The following SPAG16 variants were observed in gnomAD, a reference collection of about 807,000 sequenced individuals.
SPAG16 encodes the protein sperm-associated antigen 16 protein.
A neutral mutation model predicts 80.4 loss-of-function variants in SPAG16; 86 were observed. That is an observed-to-expected ratio of 1.07 (90% confidence interval 0.90 to 1.28). SPAG16 has a LOEUF of 1.28. Among genes scored for constraint, SPAG16 ranks in the 50% most tolerant of loss-of-function variants. The pLI is 0.00. For synonymous variants in SPAG16, 294 were observed against 265.9 expected, an observed-to-expected ratio of 1.11 and a Z score of -1.03; for missense variants, 870 against 765.3, an observed-to-expected ratio of 1.14 and a Z score of -1.61.
chr2:213,423,725 T>C lies in SPAG16; in HGVS notation c.942+48606T>C, dbSNP rs141249741. Among the ~76,000 whole-genome samples the C allele has an allele frequency of 7.4e-4, 113 of 151,974 alleles. 1 individual carries two copies. The highest frequency in any genetic ancestry group is 2.4e-3 in the African/African-American group (99 of 41,236). ...AATGCTGAAATAAGATATGTTATTC[T>C]CATTTTTTAGGTAAAAATACTAAAG... On this transcript the variant is annotated intron_variant, in intron 9 of 15. Coordinates refer to ENST00000331683, the MANE Select transcript of SPAG16 (RefSeq NM_024532.5).
chr2:213,842,219 G>C (rs964810972), intron 10 of SPAG16, among the ~76,000 whole-genome samples: 1 of 152,094 alleles, frequency 6.6e-6, no homozygotes, highest in Non-Finnish European at 1.5e-5. Flanking sequence ...TACTGGATTA[G>C]TAATACAGGC....
chr2:214,017,171 G>A (rs941547653), intron 13 of SPAG16, among the ~76,000 whole-genome samples: 2 of 152,154 alleles, frequency 1.3e-5, no homozygotes, highest in African/African-American at 4.8e-5. Flanking sequence ...TGGAAAGAGT[G>A]CATCAGGCGT....
At chr2:213,395,967 A>G (rs1416157773) in intron 9 of SPAG16, among the ~76,000 whole-genome samples, 1 of 152,242 alleles carries the variant, frequency 6.6e-6, no homozygotes, top group African/African-American at 2.4e-5. Flanking sequence ...GGTCTGAAGT[A>G]TCAGCTCTAA....
intron 10 of SPAG16, among the ~76,000 whole-genome samples, chr2:213,830,564 G>T (rs2073575586): frequency 6.6e-6 from 1 of 152,050 alleles, no homozygotes; most frequent in Admixed American, 6.6e-5. Flanking sequence ...TTTCTATTTG[G>T]CCATCTTGCT....
chr2:213,288,651 T>G (rs2062149254), intron 1 of SPAG16, among the ~76,000 whole-genome samples: 1 of 152,096 alleles, frequency 6.6e-6, no homozygotes, highest in Non-Finnish European at 1.5e-5. Flanking sequence ...TTAACTTTTT[T>G]TTTTTTTAAA....
chr2:213,985,442 T>C (rs527421297), intron 12 of SPAG16, among the ~76,000 whole-genome samples: 23 of 152,244 alleles, frequency 1.5e-4, no homozygotes, highest in African/African-American at 5.3e-4. Flanking sequence ...AAAACCATTC[T>C]GACATTCAAA....
chr2:213,964,013 T>A (rs2044586199), intron 12 of SPAG16, among the ~76,000 whole-genome samples: 1 of 152,174 alleles, frequency 6.6e-6, no homozygotes, highest in Non-Finnish European at 1.5e-5. Flanking sequence ...GTACAATTCA[T>A]TTCAATTTAA....
At chr2:213,356,800 G>A (rs2065683119) in intron 7 of SPAG16, among the ~76,000 whole-genome samples, 1 of 152,082 alleles carries the variant, frequency 6.6e-6, no homozygotes, top group Admixed American at 6.6e-5. Flanking sequence ...GCTTTTGAAT[G>A]TGTTTGTTCT....
intron 10 of SPAG16, among the ~76,000 whole-genome samples, chr2:213,559,153 AT>A (rs2059524373): frequency 6.6e-6 from 1 of 152,284 alleles, no homozygotes; most frequent in East Asian, 1.9e-4. Flanking sequence ...TAAGAAGACA[AT>A]TATGAGTGCT....
At chr2:213,290,960 A>T (rs1163096035) in intron 1 of SPAG16, among the ~76,000 whole-genome samples, 3 of 152,156 alleles carry the variant, frequency 2.0e-5, no homozygotes, top group Non-Finnish European at 4.4e-5. Context: ...TATTCTTTTT[A>T]TGAGAACCCA....
intron 7 of SPAG16, among the ~76,000 whole-genome samples, chr2:213,355,260 A>G (rs2065572836): frequency 6.6e-6 from 1 of 152,100 alleles, no homozygotes; most frequent in Non-Finnish European, 1.5e-5. Flanking sequence ...TATTTTGGTT[A>G]TTGTAGCCTT....
chr2:213,349,719 A>G (rs1444352622), intron 6 of SPAG16, among the ~76,000 whole-genome samples: 1 of 152,192 alleles, frequency 6.6e-6, no homozygotes, highest in Non-Finnish European at 1.5e-5. Context: ...ACTCACAGTA[A>G]AAAGGAGTGA....
chr2:214,328,515 A>C (rs1696660087), intron 15 of SPAG16, among the ~76,000 whole-genome samples: 1 of 152,214 alleles, frequency 6.6e-6, no homozygotes. Context: ...GTTGGATCCA[A>C]GTATACTTTG....
intron 10 of SPAG16, among the ~76,000 whole-genome samples, chr2:213,618,925 T>C (rs1395451652): frequency 2.0e-5 from 3 of 152,206 alleles, no homozygotes; most frequent in Non-Finnish European, 4.4e-5. Flanking sequence ...ATTCTCTTAA[T>C]AACTAGTTAT....
chr2:213,509,501 A>G (rs2075130914), intron 10 of SPAG16, among the ~76,000 whole-genome samples: 1 of 152,204 alleles, frequency 6.6e-6, no homozygotes, highest in East Asian at 1.9e-4. Context: ...ACTTTCATCC[A>G]TCTGTCCATC....
intron 9 of SPAG16, among the ~76,000 whole-genome samples, chr2:213,463,388 C>G (rs540866695): frequency 3.9e-5 from 6 of 152,374 alleles, no homozygotes; most frequent in African/African-American, 1.4e-4. Context: ...AAAACATCCT[C>G]AGGGCATGTC....
chr2:213,429,444 A>G (rs1488730143), intron 9 of SPAG16, among the ~76,000 whole-genome samples: 1 of 152,162 alleles, frequency 6.6e-6, no homozygotes. Context: ...ACAATGGATT[A>G]CTTTTCTGAT....
chr2:214,338,262 T>A (rs1286301292), intron 15 of SPAG16, among the ~76,000 whole-genome samples: 10 of 152,314 alleles, frequency 6.6e-5, no homozygotes, highest in Middle Eastern at 3.4e-3. Flanking sequence ...ACGCCTGTAA[T>A]CCCAGCACTT....
chr2:213,427,877 A>G (rs561067399), intron 9 of SPAG16, among the ~76,000 whole-genome samples: 30 of 152,176 alleles, frequency 2.0e-4, no homozygotes, highest in Non-Finnish European at 4.0e-4. Flanking sequence ...TTCAGTGTAG[A>G]TTTAATTTTC....
Sources: gnomAD v4.1 joint callset for allele counts (sites outside exome capture counted in the v4.1 genomes callset) on GRCh38, gnomAD v4.1.1 for gene constraint, MANE v1.5 for transcripts, NCBI Gene and HGNC (gene_info 2026-07-23, HGNC 2026-07-21) for gene names.